XKR9: variants seen among roughly 807,000 people sequenced by gnomAD.
The protein encoded by XKR9 is XK related 9.
In XKR9, 32 loss-of-function variants were observed where a neutral mutation model predicts 32.0. That is an observed-to-expected ratio of 1.00 (90% CI 0.76 to 1.34). The LOEUF (loss-of-function observed/expected upper bound fraction) is 1.34. Ranked by LOEUF, XKR9 falls within the 40% of genes most tolerant of loss-of-function variation. The pLI, the probability that XKR9 is intolerant of heterozygous loss-of-function variation, is 0.00. For missense variants in XKR9, 546 were observed against 429.7 expected (o/e 1.27, Z -2.39); for synonymous variants, 168 against 143.4 (o/e 1.17, Z -1.22).
At chr8:70,937,365 T>A in the XKR9 span, among the ~76,000 whole-genome samples, 2 of 152,184 alleles carry the variant, frequency 1.3e-5, no homozygotes, top group South Asian at 4.1e-4. Flanking sequence ...GGCTAATTGT[T>A]AGATTCATGT....
At position 70,706,319 on chromosome 8, in the gene XKR9, G is replaced by A. The variant is rs1264750547; in HGVS notation, c.273-614G>A. 2.6e-5 allele frequency among the ~76,000 whole-genome samples: 4 copies of A among 152,026 alleles called. No individual in the cohort carries two copies. The East Asian group carries it at 7.7e-4, about 29-fold the overall frequency. On this transcript the variant is annotated intron_variant, in intron 3 of 4. Transcript: ENST00000408926. Reference sequence around the variant, plus strand: ...GAGTCTGACCAGGGATATTTCAAGAGTCTTTGAAGTTTTATATATTTTCTG... The same window carrying A: ...GAGTCTGACCAGGGATATTTCAAGAATCTTTGAAGTTTTATATATTTTCTG...
chr8:71,063,230 A>G, the XKR9 span, among the ~76,000 whole-genome samples: 2 of 152,172 alleles, frequency 1.3e-5, no homozygotes, highest in Non-Finnish European at 2.9e-5. Flanking sequence ...GTGTTCCCCA[A>G]AGAGTCTGGG....
chr8:70,779,069 G>A (rs1220642885), intron 2 of XKR9, among the ~76,000 whole-genome samples: 1 of 152,146 alleles, frequency 6.6e-6, no homozygotes, highest in Non-Finnish European at 1.5e-5. Context: ...CATTCAGTAT[G>A]ATATTGGCTG....
the XKR9 span, among the ~76,000 whole-genome samples, chr8:71,044,891 G>C: frequency 6.6e-6 from 1 of 152,204 alleles, no homozygotes; most frequent in Admixed American, 6.5e-5. Context: ...GCAACAGAAA[G>C]CTCTGTCCAT....
At chr8:70,968,931 G>T in the XKR9 span, among the ~76,000 whole-genome samples, 1 of 152,276 alleles carries the variant, frequency 6.6e-6, no homozygotes, top group East Asian at 1.9e-4. Flanking sequence ...ATGGGATCGG[G>T]GACCCACTTA....
the XKR9 span, among the ~76,000 whole-genome samples, chr8:70,990,979 A>C: frequency 3.9e-5 from 6 of 152,282 alleles, no homozygotes; most frequent in South Asian, 1.2e-3. Context: ...TAGGTCTTTC[A>C]CCTTCTTCCA....
intron 2 of XKR9, among the ~76,000 whole-genome samples, chr8:70,778,424 A>C (rs909299511): frequency 2.0e-5 from 3 of 152,132 alleles, no homozygotes; most frequent in African/African-American, 7.2e-5. Flanking sequence ...TGTCTTGTCT[A>C]TGTGAGCTCT....
chr8:71,011,640 A>G, the XKR9 span, among the ~76,000 whole-genome samples: 2 of 152,222 alleles, frequency 1.3e-5, no homozygotes, highest in Non-Finnish European at 2.9e-5. Flanking sequence ...CTATTATAAG[A>G]AAGAATTTAC....
chr8:70,744,757 C>CTGTATAGAATGTATATAAT (rs1554553503), intron 2 of XKR9, among the ~76,000 whole-genome samples: 7 of 150,848 alleles, frequency 4.6e-5, no homozygotes, highest in South Asian at 2.1e-4. Flanking sequence ...AGGTGTGCAC[C>CTGTATAGAATGTATATAAT]ACCACGCCTG....
chr8:70,977,496 A>T, the XKR9 span, among the ~76,000 whole-genome samples: 1 of 152,006 alleles, frequency 6.6e-6, no homozygotes, highest in Non-Finnish European at 1.5e-5. Flanking sequence ...TTATTTACCC[A>T]GCAGTCATTC....
intron 4 of XKR9, among the ~76,000 whole-genome samples, chr8:70,716,974 C>A (rs999173084): frequency 3.3e-5 from 5 of 152,180 alleles, no homozygotes; most frequent in Admixed American, 3.3e-4. Context: ...AAAGGGGCAA[C>A]AGGCCCCATG....
chr8:71,057,177 C>T, the XKR9 span, among the ~76,000 whole-genome samples: 1 of 152,182 alleles, frequency 6.6e-6, no homozygotes, highest in Non-Finnish European at 1.5e-5. Flanking sequence ...AAACTTCACA[C>T]AACAGTCAGG....
At chr8:70,718,000 C>G (rs201618955) in intron 4 of XKR9, among the ~76,000 whole-genome samples, 1 of 152,120 alleles carries the variant, frequency 6.6e-6, no homozygotes, top group Non-Finnish European at 1.5e-5. Flanking sequence ...TATTCCAGTT[C>G]CCTCCAAATT....
intron 4 of XKR9, among the ~76,000 whole-genome samples, chr8:70,719,481 A>G (rs1806203477): frequency 6.6e-6 from 1 of 152,112 alleles, no homozygotes; most frequent in African/African-American, 2.4e-5. Flanking sequence ...TAATTTTTGT[A>G]TAATGTTTAA....
At chr8:70,962,995 T>G in the XKR9 span, among the ~76,000 whole-genome samples, 1 of 152,174 alleles carries the variant, frequency 6.6e-6, no homozygotes, top group Admixed American at 6.5e-5. Context: ...AGTTCCAGGG[T>G]ACATGTGCAA....
At chr8:70,805,087 T>G in the XKR9 span, among the ~76,000 whole-genome samples, 1 of 152,126 alleles carries the variant, frequency 6.6e-6, no homozygotes, top group South Asian at 2.1e-4. Flanking sequence ...GGTATCCAGA[T>G]TGTCTTATCA....
intron 2 of XKR9, among the ~76,000 whole-genome samples, chr8:70,743,691 T>C (rs1482041999): frequency 6.6e-6 from 1 of 152,144 alleles, no homozygotes; most frequent in Non-Finnish European, 1.5e-5. Context: ...GAGACTTCCT[T>C]TCTGTTGGTT....
chr8:70,854,869 C>T, the XKR9 span, among the ~76,000 whole-genome samples: 1 of 152,136 alleles, frequency 6.6e-6, no homozygotes, highest in Non-Finnish European at 1.5e-5. Context: ...CTGTTCTGCT[C>T]CATTGGTTTA....
intron 3 of XKR9, among the ~76,000 whole-genome samples, chr8:70,703,083 T>A (rs1285134864): frequency 6.6e-6 from 1 of 152,192 alleles, no homozygotes; most frequent in African/African-American, 2.4e-5. Flanking sequence ...TTTATTTTGC[T>A]TGGGTTCATT....
Sources: gnomAD v4.1 joint callset for allele counts (sites outside exome capture counted in the v4.1 genomes callset) on GRCh38, gnomAD v4.1.1 for gene constraint, MANE v1.5 for transcripts, NCBI Gene and HGNC (gene_info 2026-07-23, HGNC 2026-07-21) for gene names.